SH3GLB2: variants seen among roughly 807,000 people sequenced by gnomAD.
SH3GLB2 encodes the protein SH3 domain containing GRB2 like, endophilin B2.
A neutral mutation model predicts 48.0 loss-of-function variants in SH3GLB2; 24 were observed. That is an observed-to-expected ratio of 0.50 (90% CI 0.36 to 0.70). SH3GLB2 has a LOEUF of 0.70. Ranked by LOEUF, SH3GLB2 falls within the 30% of genes least tolerant of loss-of-function variation. The pLI, the probability that SH3GLB2 is intolerant of heterozygous loss-of-function variation, is 0.00. For synonymous variants in SH3GLB2, 227 were observed against 207.6 expected (o/e 1.09, Z -0.80); for missense variants, 425 against 516.0 (o/e 0.82, Z 1.71).
chr9:129,025,199 C>T (rs151278000), intron 1 of SH3GLB2, among the ~76,000 whole-genome samples: 16 of 144,818 alleles, frequency 1.1e-4, no homozygotes, highest in South Asian at 2.3e-4. Context: ...TTGCTTGAAC[C>T]GGGGAGGCGG....
At position 129,009,820 on chromosome 9, in the gene SH3GLB2, A is replaced by G; in HGVS notation, c.790T>C (p.Tyr264His). 1 of 1,614,046 alleles carries G rather than the reference A, an allele frequency of 6.2e-7. No homozygotes were observed. Residue 264 changes from tyrosine (Y) to histidine (H), a missense_variant, in exon 9 of 11, where the codon TAC becomes CAC. Tyr to His is a moderately conservative substitution (Grantham distance 83). Transcript: ENST00000372564. ...HEFVKSQTTY[Y>H]AQCYRHMLDL... ...AGCATGTGGCGGTAGCACTGTGCGT[A>G]GTAGGTTGTCTGAGACTTGACGAAC...
chr9:129,014,586 G>T lies in SH3GLB2; in HGVS notation c.469-83C>A, dbSNP rs1843316337. The stretch of plus-strand genomic sequence containing the variant: ...CATGCATGGCAAGATTGGTGCCGGG[G>T]ACGATCAAGTCAAGATAGGGAAACT... On this transcript the variant is annotated intron_variant, in intron 4 of 10. Coordinates refer to ENST00000372564, the MANE Select transcript of SH3GLB2 (RefSeq NM_020145.4). This position sits in a 1 kb window ranked among gnomAD's most constrained non-coding sequence, Gnocchi z 4.1. 2 of 1,497,860 alleles carry T rather than the reference G, an allele frequency of 1.3e-6. No individual in the cohort carries two copies. Among genetic ancestry groups the T allele is most frequent in the African/African-American group, 2.8e-5 (2 of 71,848 alleles). 92.8% of individuals were successfully genotyped at this position (1,497,860 alleles called of 1,614,324 possible).
intron 5 of SH3GLB2, 85 bp from the exon 6 acceptor site, chr9:129,012,383 G>A: frequency 2.3e-6 from 2 of 860,166 alleles, no homozygotes; most frequent in Non-Finnish European, 1.6e-6. Flanking sequence ...CCAGAGTCTT[G>A]CACAAGGAGA....
chr9:129,009,057 T>C (rs1355943393), intron 10 of SH3GLB2, 49 bp downstream of exon 10: 1 of 1,599,762 alleles, frequency 6.3e-7, no homozygotes, highest in African/African-American at 1.3e-5. Context: ...GTGCCCAGGC[T>C]GCTCCTCACC....
chr9:129,013,216 G>A, intron 5 of SH3GLB2: 1 of 608,826 alleles, frequency 1.6e-6, no homozygotes, highest in South Asian at 2.0e-5. Flanking sequence ...TGTGGAGCTT[G>A]AGTCCTCTGG....
Position 129,028,297 on chromosome 9 carries a change from C to CCCGCCGCAG in SH3GLB2, c.-152_-144dup. ...GCCTGCCGGCCTGCCCGCCTGCCCG[C>CCCGCCGCAG]CCGCCGCAGCCGCCGAGCCAGCCCG... On this transcript the variant is annotated 5_prime_UTR_variant, in exon 1 of 11. Coordinates refer to ENST00000372564, the MANE Select transcript of SH3GLB2 (RefSeq NM_020145.4). 2.3e-6 allele frequency: 1 copy of CCCGCCGCAG among 429,064 alleles called. No homozygotes were observed. Among genetic ancestry groups the CCCGCCGCAG allele is most frequent in the Non-Finnish European group, 3.1e-6 (1 of 323,446 alleles). 26.6% of individuals were successfully genotyped at this position (429,064 alleles called of 1,614,324 possible). A position where few individuals can be genotyped will look rare whatever the true frequency, so the allele number is the denominator to read the frequency against.
At chr9:129,020,576 A>C (rs1248766791) in intron 3 of SH3GLB2, among the ~76,000 whole-genome samples, 4 of 142,588 alleles carry the variant, frequency 2.8e-5, no homozygotes, top group African/African-American at 1.1e-4. Flanking sequence ...GTCTCAAAAA[A>C]AAAAAAATAG....
In SH3GLB2 at chr9:129,008,624, C is replaced by T. The variant is rs984205211; in HGVS notation, c.*60G>A. ...TGTCACCAACAAACAAGTTAAGTGG[C>T]AGGGCTGCGCCCATCCTCTCCTGCC... On this transcript the variant is annotated 3_prime_UTR_variant, in exon 11 of 11. Coordinates refer to ENST00000372564, the MANE Select transcript of SH3GLB2 (RefSeq NM_020145.4). 3.1e-6 allele frequency: 4 copies of T among 1,294,636 alleles called. No individual in the cohort carries two copies. The highest frequency in any genetic ancestry group is 4.5e-6 in the Non-Finnish European group (4 of 896,462). 80.2% of individuals were successfully genotyped at this position (1,294,636 alleles called of 1,614,324 possible).
chr9:129,024,542 G>A (rs1294373451), intron 1 of SH3GLB2, among the ~76,000 whole-genome samples: 1 of 147,002 alleles, frequency 6.8e-6, no homozygotes, highest in Non-Finnish European at 1.5e-5. Flanking sequence ...GGGCCACAGA[G>A]TGCGACTCAG....
intron 10 of SH3GLB2, 107 bp from the exon 11 acceptor site, chr9:129,008,898 C>T: frequency 7.7e-7 from 1 of 1,291,144 alleles, no homozygotes; most frequent in Non-Finnish European, 1.1e-6. Flanking sequence ...GTGGCATGTG[C>T]TACACCTTCA....
chr9:129,010,419 C>T (rs1843046755), intron 7 of SH3GLB2: 1 of 638,868 alleles, frequency 1.6e-6, no homozygotes, highest in South Asian at 1.9e-5. Context: ...CAGTGACAGA[C>T]CCTTCCTCCA....
At position 129,008,736 on chromosome 9, in the gene SH3GLB2, C is replaced by T; in HGVS notation, c.1136G>A (p.Arg379Lys). 1 of 1,614,178 alleles carries T rather than the reference C, an allele frequency of 6.2e-7. No individual in the cohort carries two copies. Among genetic ancestry groups the T allele is most frequent in the Non-Finnish European group, 8.5e-7 (1 of 1,180,010 alleles). ...GMDPDWLIGE[R>K]GNKKGKVPVT... ...AGGGACCTTGCCCTTCTTGTTGCCTCTCTCGCCAATGAGCCAGTCAGGGTC... is the reference window on the plus strand; with the variant it reads ...AGGGACCTTGCCCTTCTTGTTGCCTTTCTCGCCAATGAGCCAGTCAGGGTC... Residue 379 changes from arginine (R) to lysine (K), a missense_variant, in exon 11 of 11, where the codon AGA becomes AAA. Coordinates refer to ENST00000372564, the MANE Select transcript of SH3GLB2 (RefSeq NM_020145.4).
chr9:129,012,787 A>C, intron 5 of SH3GLB2: 1 of 593,194 alleles, frequency 1.7e-6, no homozygotes, highest in Admixed American at 2.9e-5. Flanking sequence ...ATGCATGGGC[A>C]GACAGAGTGA....
chr9:129,026,132 G>A (rs893664518), intron 1 of SH3GLB2, among the ~76,000 whole-genome samples: 1 of 152,192 alleles, frequency 6.6e-6, no homozygotes, highest in African/African-American at 2.4e-5. Context: ...CTCCATGCAG[G>A]AGACCATCCC....
At position 129,007,292 on chromosome 9, in the gene SH3GLB2, T is replaced by C. The variant is rs769758948; in HGVS notation, c.*1392A>G. On this transcript the variant is annotated 3_prime_UTR_variant, in exon 11 of 11. Coordinates refer to ENST00000372564, the MANE Select transcript of SH3GLB2 (RefSeq NM_020145.4). ...TTGGCTGGGTGGGCGCTGTCAGATA[T>C]TCCCTTCCTTGGCCTGCGCTGGTCC... The C allele has an allele frequency of 3.3e-5, 5 of 151,370 alleles. No individual in the cohort carries two copies. Among genetic ancestry groups the C allele is most frequent in the African/African-American group, 7.3e-5 (3 of 41,316 alleles). 9.4% of individuals were successfully genotyped at this position (151,370 alleles called of 1,614,324 possible).
Position 129,010,179 on chromosome 9 carries a change from C to CT in SH3GLB2, c.678dup (p.Glu227ArgfsTer3). 2.5e-6 allele frequency: 4 copies of CT among 1,614,012 alleles called. No individual in the cohort carries two copies. Among genetic ancestry groups the CT allele is most frequent in the Non-Finnish European group, 1.7e-6 (2 of 1,179,956 alleles). On this transcript the variant is annotated frameshift_variant, in exon 8 of 11. Transcript: ENST00000372564. LOFTEE classifies it high-confidence loss of function. ...GTCACTTCTGCTTGCCGGTCAAACT[C>CT]TGTCTGGGCCACGCGGAGCTCCTGC...
At chr9:129,018,464 C>T (rs984879029) in intron 3 of SH3GLB2, among the ~76,000 whole-genome samples, 2 of 150,384 alleles carry the variant, frequency 1.3e-5, no homozygotes, top group African/African-American at 4.9e-5. Context: ...GTAATCCCAG[C>T]GACTTGGAAG....
At chr9:129,027,324 T>C (rs959533222) in intron 1 of SH3GLB2, among the ~76,000 whole-genome samples, 1 of 152,080 alleles carries the variant, frequency 6.6e-6, no homozygotes, top group African/African-American at 2.4e-5. Flanking sequence ...ACTGATCCCA[T>C]TTTTCAGACT....
intron 7 of SH3GLB2, 82 bp from the exon 8 acceptor site, chr9:129,010,291 G>T: frequency 1.7e-6 from 2 of 1,207,610 alleles, no homozygotes; most frequent in Non-Finnish European, 2.4e-6. Context: ...CTACCTGGGA[G>T]CCGCCTGTCC....
Sources: allele counts gnomAD v4.1 joint callset (sites outside exome capture counted in the v4.1 genomes callset), GRCh38; gene constraint gnomAD v4.1.1; non-coding constraint Gnocchi (gnomAD v3.1); transcripts MANE v1.5; gene names NCBI Gene and HGNC (gene_info 2026-07-23, HGNC 2026-07-21).